Variants in GAREM1 observed in about 807,000 individuals in gnomAD.
GAREM1 encodes the protein GRB2-associated and regulator of MAPK protein 1.
GAREM1 carries 26 observed loss-of-function variants against 71.3 expected under a neutral mutation model. The observed-to-expected ratio is 0.36, with a 90% CI of 0.27 to 0.51. The LOEUF is 0.51. Ranked by LOEUF, GAREM1 falls within the 20% of genes least tolerant of loss-of-function variation. The probability of loss-of-function intolerance (pLI) is 0.95; values close to 1 mark genes in which losing one functional copy is unlikely to be tolerated. For synonymous variants in GAREM1, 440 were observed against 433.2 expected, an observed-to-expected ratio of 1.02 and a Z score of -0.20; for missense variants, 1,026 against 1,103.1, an observed-to-expected ratio of 0.93 and a Z score of 0.99.
intron 2 of GAREM1, among the ~76,000 whole-genome samples, chr18:32,363,806 C>T (rs1242447386): frequency 1.3e-5 from 2 of 150,984 alleles, no homozygotes; most frequent in African/African-American, 4.9e-5. Context: ...AATCTTCCTA[C>T]AACTTTTTGA....
chr18:32,299,072 C>CA (rs1025842337), intron 3 of GAREM1, among the ~76,000 whole-genome samples: 2 of 151,268 alleles, frequency 1.3e-5, no homozygotes, highest in African/African-American at 2.4e-5. Flanking sequence ...CCTCAGATGA[C>CA]AAAAAAAGGA....
intron 1 of GAREM1, among the ~76,000 whole-genome samples, chr18:32,393,689 A>C (rs1314882045): frequency 6.6e-6 from 1 of 152,244 alleles, no homozygotes; most frequent in Non-Finnish European, 1.5e-5. Flanking sequence ...ATCAATTAAA[A>C]ATAATGATTT....
intron 2 of GAREM1, among the ~76,000 whole-genome samples, chr18:32,378,122 T>C (rs759528131): frequency 1.0e-3 from 158 of 152,084 alleles, no homozygotes; most frequent in Admixed American, 2.6e-3. Context: ...CCAGGAATTC[T>C]GTAGTTCAGT....
intron 1 of GAREM1, among the ~76,000 whole-genome samples, chr18:32,419,328 T>A (rs2048498454): frequency 6.6e-6 from 1 of 152,108 alleles, no homozygotes; most frequent in South Asian, 2.1e-4. Context: ...GCTTGTTTTC[T>A]CCCAAAGTGC....
intron 2 of GAREM1, among the ~76,000 whole-genome samples, chr18:32,386,563 C>T (rs570213656): frequency 9.8e-5 from 15 of 152,306 alleles, no homozygotes; most frequent in South Asian, 2.1e-4. Context: ...AGAAGCCAAA[C>T]GCGGCTGGAG....
intron 2 of GAREM1, among the ~76,000 whole-genome samples, chr18:32,328,825 T>C (rs1396815801): frequency 1.3e-5 from 2 of 152,170 alleles, no homozygotes; most frequent in Non-Finnish European, 2.9e-5. Context: ...AGATTAAGGA[T>C]TTTCTGTTCA....
rs2046987111 is a variant in GAREM1 at position 32,284,358 on chromosome 18, A to AAG, written c.1566+2672_1566+2673insCT. ...CATAAGAAGTTACAGCTTAGACTGGAGGCCAAATTTTTTTTTCTTCTGTGA... is the reference window on the plus strand; with the variant it reads ...CATAAGAAGTTACAGCTTAGACTGGAAGGGCCAAATTTTTTTTTCTTCTGTGA... On this transcript the variant is annotated intron_variant, in intron 4 of 5. Coordinates refer to ENST00000269209, the MANE Select transcript of GAREM1 (RefSeq NM_001242409.2). Among the ~76,000 whole-genome samples the AAG allele has an allele frequency of 2.6e-5, 4 of 152,362 alleles. No homozygotes were observed. In the East Asian group the frequency reaches 5.8e-4, roughly 22 times the overall value.
intron 1 of GAREM1, among the ~76,000 whole-genome samples, chr18:32,419,483 G>A (rs2048500243): frequency 6.6e-6 from 1 of 151,748 alleles, no homozygotes; most frequent in South Asian, 2.1e-4. Context: ...GAGGATTCAA[G>A]GAGGTTGGCA....
intron 2 of GAREM1, among the ~76,000 whole-genome samples, chr18:32,338,609 C>T (rs2047619371): frequency 6.6e-6 from 1 of 152,156 alleles, no homozygotes; most frequent in African/African-American, 2.4e-5. Flanking sequence ...AAGCAATGGC[C>T]TTTGGTTCTT....
Position 32,267,741 on chromosome 18 carries a change from A to G in GAREM1, c.*130T>C. 1.5e-6 allele frequency: 1 copy of G among 682,276 alleles called. No individual in the cohort carries two copies. The highest frequency in any genetic ancestry group is 2.5e-6 in the Non-Finnish European group (1 of 407,294). 42.3% of individuals were successfully genotyped at this position (682,276 alleles called of 1,614,324 possible). A position where few individuals can be genotyped will look rare whatever the true frequency, so the allele number is the denominator to read the frequency against. On this transcript the variant is annotated 3_prime_UTR_variant, in exon 6 of 6. Transcript: ENST00000269209. The stretch of plus-strand genomic sequence containing the variant: ...CACCATTCAAAAACGTAATCTGCAT[A>G]GTAAGAGTTTCTCTTATCCCTATTT...
chr18:32,393,308 T>C (rs2048221084), intron 1 of GAREM1, among the ~76,000 whole-genome samples: 2 of 152,180 alleles, frequency 1.3e-5, no homozygotes, highest in African/African-American at 2.4e-5. Flanking sequence ...TAAATGATTA[T>C]GTTTTAATGA....
rs751832801 is a variant in GAREM1, at chr18:32,268,703, C to T, written c.1799G>A (p.Arg600Gln). The T allele has an allele frequency of 1.8e-5, 29 of 1,614,032 alleles. No individual in the cohort carries two copies. In the East Asian group the frequency reaches 3.6e-4, roughly 20 times the overall value. The stretch of plus-strand genomic sequence containing the variant: ...CAGGTCCACAGAATCAGTTTTCACT[C>T]GGTTACATGGATAGCAGGAAACAGG... ...STPVSCYPCN[R>Q]VKTDSVDLKS... The change falls in exon 6 of 6, where the codon CGA (arginine) becomes CAA (glutamine). Residue 600 changes from arginine (R) to glutamine (Q), a missense_variant. Arg to Gln is a conservative substitution (Grantham distance 43). This residue lies in a region of GAREM1 where 636 missense variants were observed against 631.2 expected (regional missense o/e 1.01). Coordinates refer to ENST00000269209, the MANE Select transcript of GAREM1 (RefSeq NM_001242409.2).
At chr18:32,401,738 C>A (rs1295873942) in intron 1 of GAREM1, among the ~76,000 whole-genome samples, 1 of 152,040 alleles carries the variant, frequency 6.6e-6, no homozygotes, top group African/African-American at 2.4e-5. Context: ...CACTGCCATT[C>A]GGGGGAAAAA....
intron 4 of GAREM1, among the ~76,000 whole-genome samples, chr18:32,282,625 G>C (rs1466614173): frequency 1.3e-5 from 2 of 152,144 alleles, no homozygotes; most frequent in African/African-American, 4.8e-5. Flanking sequence ...TGGCCAACTG[G>C]TCTTGAACTC....
At chr18:32,344,319 CA>C (rs2047674942) in intron 2 of GAREM1, among the ~76,000 whole-genome samples, 1 of 152,148 alleles carries the variant, frequency 6.6e-6, no homozygotes, top group African/African-American at 2.4e-5. Flanking sequence ...CAGGAGCTTT[CA>C]AAGTTTCTCA....
intron 2 of GAREM1, among the ~76,000 whole-genome samples, chr18:32,357,406 C>T (rs1181726682): frequency 6.6e-6 from 1 of 152,246 alleles, no homozygotes; most frequent in Non-Finnish European, 1.5e-5. Context: ...GAACTTTTCA[C>T]GTGCTACCTT....
At chr18:32,438,095 C>T (rs1326656168) in intron 1 of GAREM1, among the ~76,000 whole-genome samples, 1 of 152,182 alleles carries the variant, frequency 6.6e-6, no homozygotes, top group Admixed American at 6.5e-5. Context: ...CATGTACCTT[C>T]CCCCATTTCT....
In GAREM1 at chr18:32,410,532, G is replaced by C. The variant is rs1411484885; in HGVS notation, c.122-17497C>G. ...TGGATAATGTTTTTTATTTTTTGTA[G>C]AGACAGGATCTCTCCCTATGTTGCC... On this transcript the variant is annotated intron_variant, in intron 1 of 5. Transcript: ENST00000269209. Among the ~76,000 whole-genome samples the C allele has an allele frequency of 2.0e-5, 3 of 151,922 alleles. No homozygotes were observed. In the East Asian group the frequency reaches 5.8e-4, roughly 29 times the overall value.
chr18:32,470,253 C>T lies in GAREM1; in HGVS notation c.121+55G>A. 1 of 1,413,468 alleles carries T rather than the reference C, an allele frequency of 7.1e-7. No homozygotes were observed. The highest frequency in any genetic ancestry group is 9.3e-7 in the Non-Finnish European group (1 of 1,074,664). The allele number at this position is 1,413,468 out of a possible 1,614,324, so 87.6% of individuals were successfully genotyped here. On this transcript the variant is annotated intron_variant, in intron 1 of 5. Transcript: ENST00000269209. This position sits in a 1 kb window ranked among gnomAD's most constrained non-coding sequence, Gnocchi z 4.4. ...CCCTCTCCAGCACACGCGCGCACAC[C>T]CGCGTGGAGACGGCTGTCCTCGCCC... is the stretch of plus-strand genomic sequence containing the variant.
Sources: allele counts gnomAD v4.1 joint callset (sites outside exome capture counted in the v4.1 genomes callset), GRCh38; gene constraint gnomAD v4.1.1; regional missense constraint gnomAD v4.1.1; non-coding constraint Gnocchi (gnomAD v3.1); transcripts MANE v1.5; gene names NCBI Gene and HGNC (gene_info 2026-07-23, HGNC 2026-07-21).